PRKD2: variants seen among roughly 807,000 people sequenced by gnomAD.
PRKD2 encodes the protein serine/threonine-protein kinase D2.
A neutral mutation model predicts 86.0 loss-of-function variants in PRKD2; 22 were observed. The ratio of observed to expected loss-of-function variants is 0.26; its 90% confidence interval spans 0.18 to 0.37. PRKD2 has a LOEUF of 0.37. Ranked by LOEUF, PRKD2 falls within the 10% of genes least tolerant of loss-of-function variation. The probability of loss-of-function intolerance (pLI) is 1.00; values close to 1 mark genes in which losing one functional copy is unlikely to be tolerated. For missense variants in PRKD2, 818 were observed against 1,199.2 expected, an observed-to-expected ratio of 0.68 and a Z score of 4.70; for synonymous variants, 509 against 510.9, an observed-to-expected ratio of 1.00 and a Z score of 0.05.
intron 2 of PRKD2, among the ~76,000 whole-genome samples, chr19:46,712,122 T>C (rs1215746293): frequency 6.7e-6 from 1 of 149,378 alleles, no homozygotes; most frequent in East Asian, 2.0e-4. Context: ...GTAATGCCTA[T>C]AGTCCAGCCA....
intron 14 of PRKD2, among the ~76,000 whole-genome samples, chr19:46,682,056 G>A (rs1234455590): frequency 6.7e-6 from 1 of 150,084 alleles, no homozygotes; most frequent in East Asian, 2.0e-4. Context: ...GCCTGGGCTG[G>A]AGTGCAGTGG....
At chr19:46,681,576 A>T in intron 15 of PRKD2, 74 bp downstream of exon 15, 1 of 835,792 alleles carries the variant, frequency 1.2e-6, no homozygotes, top group Non-Finnish European at 1.9e-6. Context: ...GATTAGTATA[A>T]TCCCCTTCCC....
chr19:46,676,380 G>A (rs1012235533), intron 16 of PRKD2, among the ~76,000 whole-genome samples: 8 of 152,188 alleles, frequency 5.3e-5, no homozygotes, highest in Admixed American at 6.5e-5. Context: ...AGCCAAGATC[G>A]TGCCACTGCA....
At chr19:46,674,908 G>A (rs1051498907) in intron 17 of PRKD2, 125 bp downstream of exon 17, 4 of 1,194,058 alleles carry the variant, frequency 3.3e-6, no homozygotes, top group Non-Finnish European at 1.2e-6. Flanking sequence ...CAGCCAATGG[G>A]AGGCCTAGCC....
chr19:46,692,075 C>T, intron 10 of PRKD2, 90 bp from the exon 11 acceptor site: 1 of 1,314,036 alleles, frequency 7.6e-7, no homozygotes. Context: ...GGAGTCAGGC[C>T]ACCCAGATTT....
chr19:46,684,282 G>A (rs183825349), intron 14 of PRKD2, among the ~76,000 whole-genome samples: 1 of 152,092 alleles, frequency 6.6e-6, no homozygotes, highest in East Asian at 1.9e-4. Flanking sequence ...TCTACAGACT[G>A]GGAGACCAAG....
In PRKD2 at chr19:46,716,405, C is replaced by G; in HGVS notation, c.-35G>C. On this transcript the variant is annotated 5_prime_UTR_variant, in exon 1 of 18. Coordinates refer to ENST00000291281, the MANE Select transcript of PRKD2 (RefSeq NM_016457.5). The surrounding 1 kb of genome is among the most constrained non-coding windows in gnomAD (Gnocchi z 7.9). ...CCGGGGACCGGCCGCCTGGAGCCCACCCGGGACCCGGCCGGGGGGCCCCGG... is the reference window on the plus strand; with the variant it reads ...CCGGGGACCGGCCGCCTGGAGCCCAGCCGGGACCCGGCCGGGGGGCCCCGG... The G allele has an allele frequency of 3.7e-6, 5 of 1,354,230 alleles. No individual in the cohort carries two copies. The highest frequency in any genetic ancestry group is 2.9e-6 in the Non-Finnish European group (3 of 1,047,114). 83.9% of individuals were successfully genotyped at this position (1,354,230 alleles called of 1,614,324 possible).
rs554987377 is a variant in PRKD2, at chr19:46,716,123, G to A, written c.240+8C>T. On this transcript the variant is annotated splice_region_variant and intron_variant, in intron 1 of 17. Transcript: ENST00000291281. This position sits in a 1 kb window ranked among gnomAD's most constrained non-coding sequence, Gnocchi z 7.9. The stretch of plus-strand genomic sequence containing the variant: ...CCCGAGCTGGATCCAGGGAGCCTGC[G>A]CCCTCACCTTCTGGTCCACGATGGA... 7.5e-6 allele frequency: 12 copies of A among 1,607,896 alleles called. No homozygotes were observed. The Admixed American group carries it at 1.7e-4, about 22-fold the overall frequency.
intron 15 of PRKD2, 67 bp downstream of exon 15, chr19:46,681,583 T>TGCCCCC: frequency 1.2e-5 from 8 of 671,500 alleles, no homozygotes; most frequent in East Asian, 3.6e-5. Context: ...ATAATCCCCT[T>TGCCCCC]CCCCACCCCC....
At chr19:46,691,586 C>T in intron 12 of PRKD2, 149 bp downstream of exon 12, 1 of 734,676 alleles carries the variant, frequency 1.4e-6, no homozygotes, top group Non-Finnish European at 2.4e-6. Flanking sequence ...GCAATCAGTC[C>T]ACCCAGGATC....
At chr19:46,687,316 C>G (rs957574988) in intron 14 of PRKD2, among the ~76,000 whole-genome samples, 15 of 151,950 alleles carry the variant, frequency 9.9e-5, no homozygotes, top group African/African-American at 3.4e-4. Context: ...TGCTTGAACC[C>G]GGGAGGTCAA....
intron 2 of PRKD2, among the ~76,000 whole-genome samples, chr19:46,713,510 C>T (rs955848010): frequency 6.6e-6 from 1 of 152,062 alleles, no homozygotes; most frequent in African/African-American, 2.4e-5. Context: ...CTGTACAAAG[C>T]GTGTCACTAG....
intron 5 of PRKD2, among the ~76,000 whole-genome samples, chr19:46,701,348 C>T (rs563463999): frequency 6.6e-6 from 1 of 151,668 alleles, no homozygotes; most frequent in Non-Finnish European, 1.5e-5. Context: ...CTGCTGGGTG[C>T]AGTGGCTCCC....
chr19:46,713,928 A>G lies in PRKD2; in HGVS notation c.314T>C (p.Leu105Pro). 6.2e-7 allele frequency: 1 copy of G among 1,612,850 alleles called. No homozygotes were observed. Among genetic ancestry groups the G allele is most frequent in the Non-Finnish European group, 8.5e-7 (1 of 1,179,588 alleles). ...LFKHDPTSAN[L>P]LQLVRSSGDI... Reference sequence around the variant, plus strand: ...TCCGGACGAGCGCACCAGCTGCAGGAGGTTGGCCGACGTGGGGTCATGTTT... The same window carrying G: ...TCCGGACGAGCGCACCAGCTGCAGGGGGTTGGCCGACGTGGGGTCATGTTT... Residue 105 changes from leucine to proline, a missense_variant, in exon 2 of 18, where the codon CTC becomes CCC. Physicochemically the swap from Leu to Pro is moderately conservative, Grantham distance 98. Transcript: ENST00000291281.
rs1232672726 is a variant in PRKD2, at chr19:46,678,271, A to G, written c.2338+125T>C. The G allele has an allele frequency of 7.0e-7, 1 of 1,421,644 alleles. No individual in the cohort carries two copies. The highest frequency in any genetic ancestry group is 1.4e-5 in the African/African-American group (1 of 70,876). 88.1% of individuals were successfully genotyped at this position (1,421,644 alleles called of 1,614,324 possible). ...CACATCCCTCCAGTAGGCCCGCCCC[A>G]GCACTGGGCTCCACCCCCAAGGTGC... On this transcript the variant is annotated intron_variant, in intron 16 of 17. Transcript: ENST00000291281. The surrounding 1 kb of genome is among the most constrained non-coding windows in gnomAD (Gnocchi z 5.7).
rs926871871 is a variant in PRKD2 at position 46,702,044 on chromosome 19, T to G, written c.890-932A>C. Among the ~76,000 whole-genome samples the G allele has an allele frequency of 1.2e-4, 18 of 150,584 alleles. 1 individual carries two copies. The highest frequency in any genetic ancestry group is 6.6e-4 in the Admixed American group (10 of 15,080). On this transcript the variant is annotated intron_variant, in intron 5 of 17. Transcript: ENST00000291281. ...TTCTATGATTCTGTTTTTTGTTTTT[T>G]TTTTTTTTTTTTAAGAAACAGTCTG...
intron 14 of PRKD2, among the ~76,000 whole-genome samples, chr19:46,686,888 T>G (rs2053406632): frequency 6.7e-6 from 1 of 148,264 alleles, no homozygotes; most frequent in Admixed American, 6.7e-5. Flanking sequence ...GAGGCGGAGC[T>G]TGCAGTGAGC....
intron 2 of PRKD2, among the ~76,000 whole-genome samples, chr19:46,711,520 G>A (rs181828978): frequency 3.0e-4 from 45 of 152,004 alleles, no homozygotes; most frequent in African/African-American, 1.1e-3. Context: ...AGCCTCCAGA[G>A]TAGCTGGGAT....
intron 14 of PRKD2, among the ~76,000 whole-genome samples, chr19:46,686,651 CA>C (rs534031439): frequency 3.2e-4 from 45 of 142,704 alleles, no homozygotes; most frequent in African/African-American, 2.3e-4. Flanking sequence ...GACCCTGTCT[CA>C]AAAAAAAAAA....
Sources: gnomAD v4.1 joint callset for allele counts (sites outside exome capture counted in the v4.1 genomes callset) on GRCh38, gnomAD v4.1.1 for gene constraint, Gnocchi (gnomAD v3.1) non-coding constraint, MANE v1.5 for transcripts, NCBI Gene and HGNC (gene_info 2026-07-23, HGNC 2026-07-21) for gene names.